ASB4: variants seen among roughly 807,000 people sequenced by gnomAD.
ASB4 encodes the protein ankyrin repeat and SOCS box protein 4.
ASB4 carries 35 observed loss-of-function variants against 38.6 expected under a neutral mutation model. The observed-to-expected ratio is 0.91, with a 90% confidence interval of 0.69 to 1.20. The LOEUF is 1.20. Among genes scored for constraint, ASB4 ranks in the 50% most tolerant of loss-of-function variants. The pLI, the probability that ASB4 is intolerant of heterozygous loss-of-function variation, is 0.00. For synonymous variants in ASB4, 195 were observed against 201.3 expected (o/e 0.97, Z 0.26); for missense variants, 557 against 527.2 (o/e 1.06, Z -0.55).
At chr7:95,511,520 A>C (rs1585807321) in intron 2 of ASB4, among the ~76,000 whole-genome samples, 1 of 151,998 alleles carries the variant, frequency 6.6e-6, no homozygotes, top group African/African-American at 2.4e-5. Context: ...GCTTGGACTT[A>C]ATAATTAATA....
At chr7:95,498,775 T>C (rs952413721) in intron 2 of ASB4, among the ~76,000 whole-genome samples, 5 of 152,206 alleles carry the variant, frequency 3.3e-5, no homozygotes, top group Admixed American at 6.5e-5. Context: ...TTTTGTCATT[T>C]CAGATTTTAC....
intron 3 of ASB4, among the ~76,000 whole-genome samples, chr7:95,530,734 T>C (rs960129169): frequency 6.6e-6 from 1 of 152,164 alleles, no homozygotes; most frequent in Admixed American, 6.5e-5. Context: ...ATACTCTGCA[T>C]GGGAGAGGAA....
At chr7:95,529,869 G>A (rs75163686) in intron 3 of ASB4, among the ~76,000 whole-genome samples, 3,305 of 152,108 alleles carry the variant, frequency 0.022, 116 homozygotes, top group African/African-American at 0.074. Context: ...AGCTAATAGT[G>A]TTAATATATT....
chr7:95,480,947 G>A (rs73711313), upstream of ASB4, among the ~76,000 whole-genome samples: 1,635 of 152,166 alleles, frequency 0.011, 32 homozygotes, highest in African/African-American at 0.037. Context: ...TGATCAAATA[G>A]AATATCTAAT....
intron 1 of ASB4, among the ~76,000 whole-genome samples, chr7:95,486,729 C>A (rs185489033): frequency 6.6e-6 from 1 of 152,098 alleles, no homozygotes; most frequent in Non-Finnish European, 1.5e-5. Context: ...TCAGCAAAAC[C>A]AAAAAGTTAA....
chr7:95,518,433 G>A (rs1001234460), intron 2 of ASB4, among the ~76,000 whole-genome samples: 13 of 152,228 alleles, frequency 8.5e-5, no homozygotes, highest in Admixed American at 7.9e-4. Context: ...ATCAAATGGA[G>A]GGCCTTGATT....
intron 2 of ASB4, among the ~76,000 whole-genome samples, chr7:95,502,357 C>G (rs1197405569): frequency 6.7e-6 from 1 of 148,358 alleles, no homozygotes; most frequent in Non-Finnish European, 1.5e-5. Flanking sequence ...TGCTCTTACA[C>G]ACGCTTAATA....
At chr7:95,528,660 C>G (rs1311868524) in intron 3 of ASB4, 1 of 1,155,432 alleles carries the variant, frequency 8.7e-7, no homozygotes, top group Non-Finnish European at 1.1e-6. Flanking sequence ...AATGACTGAT[C>G]TAAAGATGAC....
At chr7:95,492,177 A>G (rs919625212) in intron 1 of ASB4, among the ~76,000 whole-genome samples, 2 of 152,138 alleles carry the variant, frequency 1.3e-5, no homozygotes, top group Non-Finnish European at 2.9e-5. Context: ...TGTGAGCCTG[A>G]TTGACCAGAT....
At chr7:95,489,745 TAA>T (rs1031785007) in intron 1 of ASB4, among the ~76,000 whole-genome samples, 2 of 152,178 alleles carry the variant, frequency 1.3e-5, no homozygotes, top group African/African-American at 4.8e-5. Context: ...CCAAATGCAA[TAA>T]GTCATTGAAA....
intron 4 of ASB4, 123 bp from the exon 5 acceptor site, chr7:95,537,448 C>T: frequency 2.7e-6 from 2 of 734,546 alleles, no homozygotes; most frequent in East Asian, 2.7e-5. Flanking sequence ...TAATTTTTGC[C>T]TCACCAATAG....
chr7:95,486,722 G>C (rs771705656), intron 1 of ASB4, among the ~76,000 whole-genome samples: 63 of 152,174 alleles, frequency 4.1e-4, no homozygotes, highest in Admixed American at 2.4e-3. Flanking sequence ...GCTGAATTCA[G>C]CAAAACCAAA....
upstream of ASB4, among the ~76,000 whole-genome samples, chr7:95,477,692 C>G (rs1348760782): frequency 6.7e-6 from 1 of 149,128 alleles, no homozygotes; most frequent in South Asian, 2.1e-4. Context: ...GGCCTCAGTA[C>G]TTTTTTTCTT....
the ASB4 span, among the ~76,000 whole-genome samples, chr7:95,547,276 T>C: frequency 4.0e-4 from 61 of 152,332 alleles, no homozygotes; most frequent in African/African-American, 1.4e-3. Flanking sequence ...TATCTTCATG[T>C]ATTCTTTTGT....
upstream of ASB4, chr7:95,485,913 G>A: frequency 1.3e-6 from 2 of 1,510,340 alleles, no homozygotes; most frequent in Non-Finnish European, 1.8e-6. Flanking sequence ...GCATGCGCCT[G>A]TTTGCTCGGT....
At chr7:95,515,280 T>TCTTC (rs1186936284) in intron 2 of ASB4, among the ~76,000 whole-genome samples, 4 of 104,668 alleles carry the variant, frequency 3.8e-5, no homozygotes, top group Non-Finnish European at 7.6e-5. Context: ...TTTCTTTCTT[T>TCTTC]CTTTCTTTCT....
At chr7:95,515,424 C>CT (rs201931788) in intron 2 of ASB4, among the ~76,000 whole-genome samples, 35,082 of 107,192 alleles carry the variant, frequency 0.33, 5,629 homozygotes, top group Middle Eastern at 0.42. Context: ...TTCTCTCTCT[C>CT]TTTTTTTTTT....
intron 1 of ASB4, among the ~76,000 whole-genome samples, chr7:95,490,349 T>C (rs1392710882): frequency 2.0e-5 from 3 of 152,238 alleles, no homozygotes; most frequent in Non-Finnish European, 2.9e-5. Context: ...TCTTCGATGT[T>C]CAAACTTTTT....
chr7:95,502,196 T>C (rs567928934), intron 2 of ASB4, among the ~76,000 whole-genome samples: 1 of 152,110 alleles, frequency 6.6e-6, no homozygotes, highest in African/African-American at 2.4e-5. Context: ...AGAAAAATCA[T>C]ATAAACAGCA....
Sources: allele counts gnomAD v4.1 joint callset (sites outside exome capture counted in the v4.1 genomes callset), GRCh38; gene constraint gnomAD v4.1.1; transcripts MANE v1.5; gene names NCBI Gene and HGNC (gene_info 2026-07-23, HGNC 2026-07-21).